STX8: variants seen among roughly 807,000 people sequenced by gnomAD.
STX8 encodes the protein syntaxin-8.
STX8 carries 23 observed loss-of-function variants against 37.5 expected under a neutral mutation model. The observed-to-expected ratio is 0.61, with a 90% CI of 0.44 to 0.87. The LOEUF (loss-of-function observed/expected upper bound fraction) is 0.87, where lower values mean the gene tolerates loss of function less well. Among genes scored for constraint, STX8 ranks in the 40% least tolerant of loss-of-function variants. The probability of loss-of-function intolerance (pLI) is 0.00; values close to 1 mark genes in which losing one functional copy is unlikely to be tolerated. For synonymous variants in STX8, 115 were observed against 99.1 expected (o/e 1.16, Z -0.95); for missense variants, 313 against 284.7 (o/e 1.10, Z -0.71).
intron 6 of STX8, among the ~76,000 whole-genome samples, chr17:9,460,683 A>C (rs1217238600): frequency 1.3e-5 from 2 of 148,462 alleles, no homozygotes; most frequent in Non-Finnish European, 3.0e-5. Context: ...CAAAAAAAAA[A>C]AAAAACAAAA....
At chr17:9,510,160 GAT>G (rs1904975600) in intron 4 of STX8, among the ~76,000 whole-genome samples, 1 of 152,140 alleles carries the variant, frequency 6.6e-6, no homozygotes, top group Non-Finnish European at 1.5e-5. Flanking sequence ...TAAAGGGAGA[GAT>G]AGACTCAAAT....
intron 7 of STX8, among the ~76,000 whole-genome samples, chr17:9,301,960 T>C (rs866920565): frequency 9.8e-5 from 15 of 152,344 alleles, no homozygotes; most frequent in Middle Eastern, 3.4e-3. Context: ...TGAAATAGGA[T>C]GCCTTCCTTC....
At chr17:9,458,197 T>TG (rs1905238003) in intron 6 of STX8, among the ~76,000 whole-genome samples, 1 of 152,278 alleles carries the variant, frequency 6.6e-6, no homozygotes, top group Non-Finnish European at 1.5e-5. Context: ...TCGTCCAGGC[T>TG]GGAGTGCAGT....
At chr17:9,380,261 T>TC in intron 6 of STX8, among the ~76,000 whole-genome samples, 1 of 146,282 alleles carries the variant, frequency 6.8e-6, no homozygotes, top group Admixed American at 6.8e-5. Flanking sequence ...TGTGTTTTTT[T>TC]TTTTTTTTTT....
chr17:9,298,550 G>A (rs141342753), intron 7 of STX8, among the ~76,000 whole-genome samples: 159 of 152,214 alleles, frequency 1.0e-3, no homozygotes, highest in East Asian at 4.6e-3. Context: ...GGTGGCTCAC[G>A]CCTGTAATCC....
chr17:9,561,601 C>T (rs1907233691), intron 2 of STX8, among the ~76,000 whole-genome samples: 1 of 130,564 alleles, frequency 7.7e-6, no homozygotes. Context: ...TCGGAGGTTG[C>T]AGTGAGCCGA....
chr17:9,530,271 A>T (rs1296049716), intron 4 of STX8, among the ~76,000 whole-genome samples: 1 of 147,778 alleles, frequency 6.8e-6, no homozygotes, highest in Admixed American at 6.9e-5. Context: ...AGATCGCGCC[A>T]CTGCACCCCA....
chr17:9,367,117 C>A (rs12602620), intron 7 of STX8, among the ~76,000 whole-genome samples: 1 of 151,252 alleles, frequency 6.6e-6, no homozygotes, highest in Non-Finnish European at 1.5e-5. Flanking sequence ...TGAGGCTGAA[C>A]AAATCTACTT....
intron 3 of STX8, chr17:9,553,175 C>G (rs1028323632): frequency 4.6e-5 from 7 of 152,166 alleles, no homozygotes; most frequent in African/African-American, 1.7e-4. Context: ...CACAGCATAA[C>G]CCTCTTCTCA....
intron 7 of STX8, among the ~76,000 whole-genome samples, chr17:9,279,317 T>G (rs766092057): frequency 7.9e-5 from 12 of 152,102 alleles, no homozygotes; most frequent in East Asian, 1.9e-4. Context: ...TCGAATTCCT[T>G]ACCTCAGGTG....
At chr17:9,574,904 A>G (rs1907839488) in intron 1 of STX8, among the ~76,000 whole-genome samples, 1 of 152,254 alleles carries the variant, frequency 6.6e-6, no homozygotes, top group South Asian at 2.1e-4. Context: ...ATTCCAGGTA[A>G]CTCAACTTTG....
intron 6 of STX8, among the ~76,000 whole-genome samples, chr17:9,447,613 G>C (rs1170887318): frequency 6.6e-6 from 1 of 151,822 alleles, no homozygotes; most frequent in Non-Finnish European, 1.5e-5. Flanking sequence ...AGTAGAGATG[G>C]GGTTTCATCA....
chr17:9,515,478 T>C (rs1567593468), intron 4 of STX8, among the ~76,000 whole-genome samples: 1 of 151,512 alleles, frequency 6.6e-6, no homozygotes, highest in Non-Finnish European at 1.5e-5. Flanking sequence ...GACAGGTGTG[T>C]TTCTTTGAAG....
chr17:9,337,762 T>C (rs12941019), intron 7 of STX8, among the ~76,000 whole-genome samples: 22,864 of 151,984 alleles, frequency 0.15, 1,909 homozygotes, highest in African/African-American at 0.21. Flanking sequence ...GAAAAGTTAG[T>C]GAAGGGAAAT....
chr17:9,523,874 G>T (rs1905459180), intron 4 of STX8, among the ~76,000 whole-genome samples: 1 of 152,104 alleles, frequency 6.6e-6, no homozygotes, highest in Admixed American at 6.5e-5. Context: ...TCCAAATTAG[G>T]CATTAAAAGG....
intron 7 of STX8, among the ~76,000 whole-genome samples, chr17:9,268,988 C>T (rs554612277): frequency 2.6e-5 from 4 of 152,000 alleles, no homozygotes; most frequent in Non-Finnish European, 5.9e-5. Context: ...CAGATCGAGA[C>T]CATCCTGGCT....
intron 3 of STX8, among the ~76,000 whole-genome samples, chr17:9,550,067 T>A (rs538058589): frequency 1.3e-4 from 19 of 151,866 alleles, no homozygotes; most frequent in African/African-American, 4.3e-4. Flanking sequence ...ACTAAAAAAA[T>A]ACAAAAATTA....
At chr17:9,422,948 C>T (rs533880975) in intron 6 of STX8, among the ~76,000 whole-genome samples, 9 of 152,306 alleles carry the variant, frequency 5.9e-5, no homozygotes, top group South Asian at 2.1e-4. Context: ...ACACATACTA[C>T]GTAATACCAT....
Position 9,269,193 on chromosome 17 carries a change from A to T in STX8, c.644-18548T>A, listed in dbSNP as rs1037081866. 8.8e-3 allele frequency among the ~76,000 whole-genome samples: 1,335 copies of T among 152,096 alleles called. 24 individuals are homozygous for T. The highest frequency in any genetic ancestry group is 0.03 in the African/African-American group (1,258 of 41,514). ...TAGAGCAAGACTCCGTCTCAAAAAAAAAAAAAAAAAGAAGTATTTGAGGCC... is the reference window on the plus strand; with the variant it reads ...TAGAGCAAGACTCCGTCTCAAAAAATAAAAAAAAAAGAAGTATTTGAGGCC... On this transcript the variant is annotated intron_variant, in intron 7 of 7. Coordinates refer to ENST00000306357, the MANE Select transcript of STX8 (RefSeq NM_004853.3).
Sources: allele counts gnomAD v4.1 joint callset (sites outside exome capture counted in the v4.1 genomes callset), GRCh38; gene constraint gnomAD v4.1.1; transcripts MANE v1.5; gene names NCBI Gene and HGNC (gene_info 2026-07-23, HGNC 2026-07-21).